The following SLC12A7 variants were observed in gnomAD, a reference collection of about 807,000 sequenced individuals.
SLC12A7 encodes the protein solute carrier family 12 member 7.
A neutral mutation model predicts 120.6 loss-of-function variants in SLC12A7; 100 were observed. That is an observed-to-expected ratio of 0.83 (90% CI 0.71 to 0.98). SLC12A7 has a LOEUF of 0.98. SLC12A7 is among the 50% of genes least tolerant of loss of function. The probability of loss-of-function intolerance (pLI) is 0.00; values close to 1 mark genes in which losing one functional copy is unlikely to be tolerated. For synonymous variants in SLC12A7, 760 were observed against 678.0 expected, an observed-to-expected ratio of 1.12 and a Z score of -1.88; for missense variants, 1,373 against 1,548.1, an observed-to-expected ratio of 0.89 and a Z score of 1.90.
the SLC12A7 span, among the ~76,000 whole-genome samples, chr5:1,129,062 G>T: frequency 6.6e-6 from 1 of 152,142 alleles, no homozygotes; most frequent in East Asian, 1.9e-4. Flanking sequence ...AGGCTTGGGA[G>T]CACCCCTGGG....
chr5:1,096,367 C>G (rs1489377758), intron 1 of SLC12A7, among the ~76,000 whole-genome samples: 1 of 152,122 alleles, frequency 6.6e-6, no homozygotes, highest in African/African-American at 2.4e-5. Context: ...GTCTTGCAAC[C>G]TTTCTGAAAT....
At chr5:1,103,235 C>T (rs1165800043) in intron 1 of SLC12A7, among the ~76,000 whole-genome samples, 4 of 152,142 alleles carry the variant, frequency 2.6e-5, no homozygotes, top group African/African-American at 9.7e-5. Flanking sequence ...GAAAAACAGG[C>T]CCTTCATCAC....
the SLC12A7 span, among the ~76,000 whole-genome samples, chr5:1,143,335 T>C: frequency 6.6e-6 from 1 of 152,314 alleles, no homozygotes; most frequent in Admixed American, 6.5e-5. Context: ...CCTCGCAGCC[T>C]GGGGGCTGGA....
At chr5:1,088,956 G>A (rs1450241514) in intron 4 of SLC12A7, 26 bp downstream of exon 4, 4 of 1,612,092 alleles carry the variant, frequency 2.5e-6, no homozygotes, top group Non-Finnish European at 3.4e-6. Flanking sequence ...CGAAGGCACA[G>A]CCACACCTGG....
upstream of SLC12A7, chr5:1,112,132 C>T (rs1743072738): frequency 4.0e-6 from 4 of 999,514 alleles, no homozygotes; most frequent in Non-Finnish European, 5.1e-6. Context: ...ACCTGCTTGC[C>T]CCGCGGCCCC....
the SLC12A7 span, among the ~76,000 whole-genome samples, chr5:1,144,542 G>A: frequency 6.6e-6 from 1 of 152,334 alleles, no homozygotes; most frequent in African/African-American, 2.4e-5. Flanking sequence ...CACGCTGGGT[G>A]GAGGGCACGG....
chr5:1,139,226 C>T, the SLC12A7 span, among the ~76,000 whole-genome samples: 19 of 152,374 alleles, frequency 1.2e-4, no homozygotes, highest in South Asian at 3.7e-3. Flanking sequence ...GAGCCCTTGG[C>T]CTCCACGGCA....
the SLC12A7 span, among the ~76,000 whole-genome samples, chr5:1,126,205 C>T: frequency 6.6e-6 from 1 of 152,098 alleles, no homozygotes; most frequent in South Asian, 2.1e-4. Flanking sequence ...CTCAGCCTCC[C>T]AAGTAGCTGA....
chr5:1,076,555 C>T, intron 13 of SLC12A7, 139 bp downstream of exon 13: 1 of 689,804 alleles, frequency 1.4e-6, no homozygotes, highest in Non-Finnish European at 2.5e-6. Flanking sequence ...CGGCGCAACT[C>T]CCTTCCCGGC....
intron 21 of SLC12A7, among the ~76,000 whole-genome samples, chr5:1,058,395 G>C (rs1039206565): frequency 2.0e-5 from 3 of 152,212 alleles, no homozygotes; most frequent in South Asian, 2.1e-4. Flanking sequence ...GCCAATGGGA[G>C]CTCCCAGACA....
At chr5:1,155,244 A>C in the SLC12A7 span, among the ~76,000 whole-genome samples, 1 of 151,870 alleles carries the variant, frequency 6.6e-6, no homozygotes, top group Admixed American at 6.6e-5. Flanking sequence ...CCGCGCTATA[A>C]ATCATCAGAT....
intron 2 of SLC12A7, among the ~76,000 whole-genome samples, chr5:1,093,929 C>G (rs1030102827): frequency 2.0e-5 from 3 of 152,116 alleles, no homozygotes; most frequent in Non-Finnish European, 2.9e-5. Context: ...CCGGAGCACC[C>G]TAGATCCAGG....
intron 6 of SLC12A7, 101 bp downstream of exon 6, chr5:1,086,802 G>A (rs1222511071): frequency 1.3e-6 from 2 of 1,482,576 alleles, no homozygotes; most frequent in African/African-American, 1.4e-5. Flanking sequence ...GGGTCAGGAT[G>A]GCTCAGTGTG....
rs78134120 is a variant in SLC12A7 at position 1,105,955 on chromosome 5, G to A, written c.124+5913C>T. On this transcript the variant is annotated intron_variant, in intron 1 of 23. Coordinates refer to ENST00000264930, the MANE Select transcript of SLC12A7 (RefSeq NM_006598.3). ...GAGGTCTACCCCTCAAGGCCCTGGCGGGCCTCACACTCCCCAGCACCCAGG... is the reference window on the plus strand; with the variant it reads ...GAGGTCTACCCCTCAAGGCCCTGGCAGGCCTCACACTCCCCAGCACCCAGG... 1.1e-3 allele frequency among the ~76,000 whole-genome samples: 170 copies of A among 152,274 alleles called. 2 individuals are homozygous for A. In the East Asian group the frequency reaches 0.026, roughly 24 times the overall value.
chr5:1,073,769 G>T lies in SLC12A7; in HGVS notation c.2105C>A (p.Ala702Glu), dbSNP rs376141461. The T allele has an allele frequency of 4.0e-6, 6 of 1,488,682 alleles. No homozygotes were observed. The highest frequency in any genetic ancestry group is 5.4e-6 in the Non-Finnish European group (6 of 1,114,168). The allele number at this position is 1,488,682 out of a possible 1,614,324, so 92.2% of individuals were successfully genotyped here. The change falls in exon 17 of 24, where the codon GCG becomes GAG. Residue 702 changes from alanine to glutamate, a missense_variant. Physicochemically the swap from Ala to Glu is moderately radical, Grantham distance 107 (BLOSUM62 -1). Coordinates refer to ENST00000264930, the MANE Select transcript of SLC12A7 (RefSeq NM_006598.3). ...PQVLVMLNLD[A>E]EQAVKHPRLL... ...GCGGGGGTGCTTCACGGCCTGCTCC[G>T]CGTCCAGGTTCAGCATCACCAGCAC...
At position 1,076,132 on chromosome 5, in the gene SLC12A7, C is replaced by A; in HGVS notation, c.1847+6G>T. On this transcript the variant is annotated splice_donor_region_variant and intron_variant, in intron 14 of 23. Coordinates refer to ENST00000264930, the MANE Select transcript of SLC12A7 (RefSeq NM_006598.3). Reference sequence around the variant, plus strand: ...GGCTCCTCACGCCCGTGCTGAGTGGCCTCACCAGTGGTAGAACTTGAAGCG... The same window carrying A: ...GGCTCCTCACGCCCGTGCTGAGTGGACTCACCAGTGGTAGAACTTGAAGCG... 1.2e-6 allele frequency: 2 copies of A among 1,607,814 alleles called. No individual in the cohort carries two copies. The highest frequency in any genetic ancestry group is 1.7e-6 in the Non-Finnish European group (2 of 1,177,344).
chr5:1,064,497 G>A (rs1266650182), intron 18 of SLC12A7, among the ~76,000 whole-genome samples: 3 of 152,250 alleles, frequency 2.0e-5, no homozygotes, highest in Admixed American at 2.0e-4. Context: ...GGGAGGGAGT[G>A]CCTGGACACT....
chr5:1,116,668 G>A (rs1236993236), upstream of SLC12A7, among the ~76,000 whole-genome samples: 2 of 152,192 alleles, frequency 1.3e-5, no homozygotes, highest in African/African-American at 2.4e-5. Context: ...CACGTGTGTG[G>A]CTTTCCTTCT....
the SLC12A7 span, among the ~76,000 whole-genome samples, chr5:1,138,262 T>G: frequency 1.2e-4 from 18 of 151,908 alleles, no homozygotes; most frequent in Admixed American, 1.2e-3. Flanking sequence ...GCCGGCGGGG[T>G]GGGGCAGGGC....
Sources: gnomAD v4.1 joint callset for allele counts (sites outside exome capture counted in the v4.1 genomes callset) on GRCh38, gnomAD v4.1.1 for gene constraint, MANE v1.5 for transcripts, NCBI Gene and HGNC (gene_info 2026-07-23, HGNC 2026-07-21) for gene names.